The following FAM135B variants were observed in gnomAD, a reference collection of about 807,000 sequenced individuals.
The protein encoded by FAM135B is family with sequence similarity 135 member B, also known as protein FAM135B.
A neutral mutation model predicts 127.7 loss-of-function variants in FAM135B; 43 were observed. The ratio of observed to expected loss-of-function variants is 0.34; its 90% CI spans 0.26 to 0.43. The LOEUF is 0.43. Among genes scored for constraint, FAM135B ranks in the 20% least tolerant of loss-of-function variants. The pLI is 1.00. For missense variants in FAM135B, 1,558 were observed against 1,725.6 expected, an observed-to-expected ratio of 0.90 and a Z score of 1.72; for synonymous variants, 670 against 665.1, an observed-to-expected ratio of 1.01 and a Z score of -0.11.
At chr8:138,251,485 C>G (rs537850722) in intron 5 of FAM135B, among the ~76,000 whole-genome samples, 1 of 152,234 alleles carries the variant, frequency 6.6e-6, no homozygotes, top group East Asian at 1.9e-4. Context: ...TTTATAGTCC[C>G]AATACCTAGC....
intron 7 of FAM135B, among the ~76,000 whole-genome samples, chr8:138,239,916 G>C (rs547039309): frequency 1.3e-5 from 2 of 149,116 alleles, no homozygotes; most frequent in Non-Finnish European, 3.0e-5. Flanking sequence ...ACCAAACACC[G>C]CATGTTCTCA....
In FAM135B at chr8:138,365,954, AT is replaced by A. The variant is rs951216487; in HGVS notation, c.77+1952del. ...TAATTATTAGTGAAGCTTGATTTCCATTTTTTTTTTCTTTTTCACCAAAGCA... is the reference window on the plus strand; with the variant it reads ...TAATTATTAGTGAAGCTTGATTTCCATTTTTTTTTCTTTTTCACCAAAGCA... On this transcript the variant is annotated intron_variant, in intron 2 of 19. Coordinates refer to ENST00000395297, the MANE Select transcript of FAM135B (RefSeq NM_015912.4). Among the ~76,000 whole-genome samples, 30 of 148,992 alleles carry A rather than the reference AT, an allele frequency of 2.0e-4. No individual in the cohort carries two copies. In the South Asian group the frequency reaches 2.5e-3, roughly 13 times the overall value.
chr8:138,430,138 C>A (rs556992078), intron 1 of FAM135B, among the ~76,000 whole-genome samples: 1 of 152,296 alleles, frequency 6.6e-6, no homozygotes, highest in East Asian at 1.9e-4. Flanking sequence ...CTTCCCAGTT[C>A]TGTCTTCTCC....
At chr8:138,480,417 C>T (rs1428326715) in intron 1 of FAM135B, among the ~76,000 whole-genome samples, 1 of 152,102 alleles carries the variant, frequency 6.6e-6, no homozygotes, top group Non-Finnish European at 1.5e-5. Flanking sequence ...ATAATAAAAT[C>T]CTAATGGCAG....
At chr8:138,470,806 T>C (rs946216131) in intron 1 of FAM135B, among the ~76,000 whole-genome samples, 6 of 152,224 alleles carry the variant, frequency 3.9e-5, no homozygotes, top group African/African-American at 1.4e-4. Context: ...ACACTACATG[T>C]GACGTCTGAC....
intron 1 of FAM135B, among the ~76,000 whole-genome samples, chr8:138,488,986 G>A (rs570387564): frequency 2.2e-4 from 34 of 152,202 alleles, no homozygotes; most frequent in Admixed American, 1.9e-3. Flanking sequence ...TTTTGAATGA[G>A]CAGTAGTGTA....
Position 138,205,033 on chromosome 8 carries a change from G to A in FAM135B, c.670-7364C>T, listed in dbSNP as rs1481871221. 5.3e-5 allele frequency among the ~76,000 whole-genome samples: 8 copies of A among 152,236 alleles called. No individual in the cohort carries two copies. The East Asian group carries it at 1.5e-3, about 29-fold the overall frequency. ...GTGCCTGGTACTATTCTTAGTTCCT[G>A]GATTCCTCTTCTTGGTGATTCAGTG... On this transcript the variant is annotated intron_variant, in intron 7 of 19. Coordinates refer to ENST00000395297, the MANE Select transcript of FAM135B (RefSeq NM_015912.4).
Position 138,151,226 on chromosome 8 carries a change from C to T in FAM135B, c.3249G>A (p.Thr1083=), listed in dbSNP as rs372423692. The T allele has an allele frequency of 2.5e-5, 39 of 1,552,366 alleles. No individual in the cohort carries two copies. Among genetic ancestry groups the T allele is most frequent in the East Asian group, 1.4e-4 (6 of 43,736 alleles). The change falls in exon 13 of 20, where the codon ACG becomes ACA. Residue 1083 remains threonine, a synonymous_variant. Coordinates refer to ENST00000395297, the MANE Select transcript of FAM135B (RefSeq NM_015912.4). The part of the protein sequence containing the change: ...SFGVVSTHSS[T]LDEEVSERMF... ...TCCTCTCACTGACTTCCTCATCCAA[C>T]GTGCTGGAATGGGTAGAAACAACTC...
In FAM135B at chr8:138,159,265, C is replaced by A. The variant is rs1388707550; in HGVS notation, c.1259-6049G>T. Among the ~76,000 whole-genome samples, 259 of 29,026 alleles carry A rather than the reference C, an allele frequency of 8.9e-3. 2 individuals are homozygous for A. Among genetic ancestry groups the A allele is most frequent in the African/African-American group, 0.033 (252 of 7,722 alleles). 19.0% of individuals were successfully genotyped at this position (29,026 alleles called of 152,430 possible). On this transcript the variant is annotated intron_variant, in intron 12 of 19. Transcript: ENST00000395297. The stretch of plus-strand genomic sequence containing the variant: ...CTGCAGTCCGGCCTGGGCGACAGAG[C>A]GAGACTCCGTCTCAAAAAAAAAAAA...
intron 12 of FAM135B, among the ~76,000 whole-genome samples, chr8:138,165,883 G>A (rs1270348727): frequency 1.3e-5 from 2 of 152,126 alleles, no homozygotes; most frequent in South Asian, 2.1e-4. Flanking sequence ...GTATAACTGA[G>A]AACCAAATAA....
intron 1 of FAM135B, among the ~76,000 whole-genome samples, chr8:138,484,953 A>G (rs2131686330): frequency 6.6e-6 from 1 of 152,286 alleles, no homozygotes; most frequent in Admixed American, 6.5e-5. Context: ...TATTCAGTGC[A>G]TTTTATATTC....
chr8:138,244,963 A>G (rs1174525891), intron 6 of FAM135B, among the ~76,000 whole-genome samples: 1 of 152,118 alleles, frequency 6.6e-6, no homozygotes, highest in Non-Finnish European at 1.5e-5. Context: ...GCTGTGAAAA[A>G]CTGCTTTTCT....
chr8:138,151,522 C>T lies in FAM135B; in HGVS notation c.2953G>A (p.Val985Met), dbSNP rs2130732716. Residue 985 changes from valine to methionine, a missense_variant, in exon 13 of 20, where the codon GTG becomes ATG. Transcript: ENST00000395297. Reference protein sequence around the residue: ...FPEAKHKAGTVCPTVTHSVHS... With the variant: ...FPEAKHKAGTMCPTVTHSVHS... The stretch of plus-strand genomic sequence containing the variant: ...ACGGAATGGGTCACAGTGGGGCACA[C>T]AGTGCCTGCTTTATGTTTAGCCTCC... The T allele has an allele frequency of 6.2e-7, 1 of 1,614,248 alleles. No homozygotes were observed. The highest frequency in any genetic ancestry group is 1.1e-5 in the South Asian group (1 of 91,088).
chr8:138,157,290 C>T (rs1029108580), intron 12 of FAM135B, among the ~76,000 whole-genome samples: 8 of 152,072 alleles, frequency 5.3e-5, no homozygotes, highest in South Asian at 2.1e-4. Context: ...ATTGATGGGA[C>T]ATATCTCAAA....
chr8:138,312,839 C>G (rs557353049), intron 2 of FAM135B, among the ~76,000 whole-genome samples: 1 of 152,126 alleles, frequency 6.6e-6, no homozygotes, highest in Non-Finnish European at 1.5e-5. Flanking sequence ...GAAGTGGAGA[C>G]CATGTGGGGA....
chr8:138,188,932 C>T (rs1292638001), intron 9 of FAM135B, among the ~76,000 whole-genome samples: 1 of 152,200 alleles, frequency 6.6e-6, no homozygotes, highest in Non-Finnish European at 1.5e-5. Flanking sequence ...CAGGAAAATT[C>T]TGGGCAGAAG....
At chr8:138,253,765 G>A (rs1417201552) in intron 5 of FAM135B, among the ~76,000 whole-genome samples, 1 of 152,126 alleles carries the variant, frequency 6.6e-6, no homozygotes, top group African/African-American at 2.4e-5. Flanking sequence ...CATATGAGAG[G>A]CTCTGCTTCT....
At chr8:138,226,150 C>CGTGTGTGTGTGTGTGTGT (rs72185111) in intron 7 of FAM135B, among the ~76,000 whole-genome samples, 50 of 133,518 alleles carry the variant, frequency 3.7e-4, no homozygotes, top group African/African-American at 6.7e-4. Context: ...GGGGACCCAC[C>CGTGTGTGTGTGTGTGTGT]GTGTGTGTGT....
chr8:138,282,285 C>T (rs949109448), intron 3 of FAM135B, among the ~76,000 whole-genome samples: 9 of 152,060 alleles, frequency 5.9e-5, no homozygotes, highest in East Asian at 3.9e-4. Context: ...TTAGTTATGA[C>T]ACCTAAGGCA....
Sources: allele counts gnomAD v4.1 joint callset (sites outside exome capture counted in the v4.1 genomes callset), GRCh38; gene constraint gnomAD v4.1.1; transcripts MANE v1.5; gene names NCBI Gene and HGNC (gene_info 2026-07-23, HGNC 2026-07-21).